The following CNDP1 variants were observed in gnomAD, a reference collection of about 807,000 sequenced individuals.
The protein encoded by CNDP1 is beta-Ala-His dipeptidase.
CNDP1 carries 44 observed loss-of-function variants against 58.1 expected under a neutral mutation model. The ratio of observed to expected loss-of-function variants is 0.76; its 90% CI spans 0.60 to 0.97. The LOEUF (loss-of-function observed/expected upper bound fraction) is 0.97. CNDP1 is among the 50% of genes least tolerant of loss of function. CNDP1 has a pLI of 0.00. For missense variants in CNDP1, 616 were observed against 655.1 expected (o/e 0.94, Z 0.65); for synonymous variants, 254 against 252.6 (o/e 1.01, Z -0.05).
chr18:74,571,939 C>T (rs1568298772), intron 7 of CNDP1, among the ~76,000 whole-genome samples: 1 of 152,068 alleles, frequency 6.6e-6, no homozygotes. Flanking sequence ...TGTAAAGGGG[C>T]ACAATCGTCT....
chr18:74,535,292 GACGCTTTTTATTTCCATTGCAAAC>G lies in CNDP1; in HGVS notation c.24+604_24+627del, dbSNP rs554703531. 1.4e-3 allele frequency among the ~76,000 whole-genome samples: 208 copies of G among 152,308 alleles called. 3 individuals are homozygous for G. The highest frequency in any genetic ancestry group is 0.012 in the South Asian group (57 of 4,828). On this transcript the variant is annotated intron_variant, in intron 1 of 11. Transcript: ENST00000358821. ...ACTACTTGGAAAGATAAAATTCATG[GACGCTTTTTATTTCCATTGCAAAC>G]ACACACATACACACACAGAAATTTT... is the stretch of plus-strand genomic sequence containing the variant.
At chr18:74,543,853 A>G (rs1980690729) in intron 1 of CNDP1, among the ~76,000 whole-genome samples, 3 of 152,068 alleles carry the variant, frequency 2.0e-5, no homozygotes, top group African/African-American at 4.8e-5. Context: ...GGGAGGCCAA[A>G]GAAAGAGGAT....
chr18:74,539,944 G>A lies in CNDP1; in HGVS notation c.24+5253G>A, dbSNP rs189216205. 1.6e-4 allele frequency among the ~76,000 whole-genome samples: 24 copies of A among 152,272 alleles called. No homozygotes were observed. In the East Asian group the frequency reaches 4.4e-3, roughly 28 times the overall value. ...CATTGCATTATTGCATCTGTAGGTT[G>A]TTCAGCACATATCTTGAAGGTGAGC... On this transcript the variant is annotated intron_variant, in intron 1 of 11. Coordinates refer to ENST00000358821, the MANE Select transcript of CNDP1 (RefSeq NM_032649.6).
At chr18:74,547,896 G>C (rs934359834) in intron 1 of CNDP1, among the ~76,000 whole-genome samples, 3 of 152,266 alleles carry the variant, frequency 2.0e-5, no homozygotes, top group African/African-American at 7.2e-5. Context: ...TGGAACTTTT[G>C]TTCCAAATCT....
intron 11 of CNDP1, chr18:74,584,250 A>T (rs1216357395): frequency 3.9e-6 from 2 of 506,770 alleles, no homozygotes; most frequent in African/African-American, 3.8e-5. Flanking sequence ...TATCAGTGAT[A>T]AGAAATCAAG....
rs1981649942 is a variant in CNDP1 at position 74,576,926 on chromosome 18, T to C, written c.899T>C (p.Val300Ala). 1.2e-6 allele frequency: 2 copies of C among 1,613,300 alleles called. No individual in the cohort carries two copies. The highest frequency in any genetic ancestry group is 2.7e-5 in the African/African-American group (2 of 74,904). ...ILVPGIYDEV[V>A]PLTEEEINTY... ...GTCCCTGGAATCTATGATGAAGTGGTTCCTCTTACAGAAGAGGAAATAAAT... is the reference window on the plus strand; with the variant it reads ...GTCCCTGGAATCTATGATGAAGTGGCTCCTCTTACAGAAGAGGAAATAAAT... Residue 300 changes from valine (V) to alanine (A), a missense_variant, in exon 8 of 12, where the codon GTT (valine) becomes GCT (alanine). Val to Ala is a moderately conservative substitution (Grantham distance 64). Transcript: ENST00000358821.
intron 1 of CNDP1, among the ~76,000 whole-genome samples, chr18:74,547,372 G>A (rs1217681637): frequency 6.6e-6 from 1 of 152,182 alleles, no homozygotes; most frequent in Non-Finnish European, 1.5e-5. Context: ...GCCATTGTAT[G>A]GACACCAAGG....
intron 7 of CNDP1, among the ~76,000 whole-genome samples, chr18:74,575,328 G>C (rs9946796): frequency 0.021 from 3,257 of 152,280 alleles, 38 homozygotes; most frequent in South Asian, 0.064. Flanking sequence ...TGCTTAGAAG[G>C]CACGCACTCT....
Position 74,583,547 on chromosome 18 carries a change from T to C in CNDP1, c.1310-14T>C, listed in dbSNP as rs1162733381. 7 of 1,613,308 alleles carry C rather than the reference T, an allele frequency of 4.3e-6. No homozygotes were observed. Among genetic ancestry groups the C allele is most frequent in the Non-Finnish European group, 5.9e-6 (7 of 1,179,274 alleles). ...GTCCTTACCCTATTCAAATGCCTTC[T>C]TTTCCTGTCTCAGTGTTTGGAACAG... is the stretch of plus-strand genomic sequence containing the variant. On this transcript the variant is annotated splice_polypyrimidine_tract_variant and intron_variant, in intron 10 of 11. Coordinates refer to ENST00000358821, the MANE Select transcript of CNDP1 (RefSeq NM_032649.6).
chr18:74,537,894 C>T lies in CNDP1; in HGVS notation c.24+3203C>T, dbSNP rs534560553. The stretch of plus-strand genomic sequence containing the variant: ...TAAAACCATAGAGTAGAACTTCTAG[C>T]TGCTGAAGACAAAAGACAAAGTACA... On this transcript the variant is annotated intron_variant, in intron 1 of 11. Coordinates refer to ENST00000358821, the MANE Select transcript of CNDP1 (RefSeq NM_032649.6). 8.5e-5 allele frequency among the ~76,000 whole-genome samples: 13 copies of T among 152,328 alleles called. No homozygotes were observed. The South Asian group carries it at 2.7e-3, about 32-fold the overall frequency.
intron 6 of CNDP1, 133 bp downstream of exon 6, chr18:74,567,566 C>T (rs1599097307): frequency 2.9e-5 from 22 of 769,310 alleles, no homozygotes; most frequent in Middle Eastern, 3.7e-4. Context: ...GACACACGGC[C>T]TCAGGGGAGG....
chr18:74,569,569 G>T (rs914088418), intron 6 of CNDP1, among the ~76,000 whole-genome samples: 1 of 152,172 alleles, frequency 6.6e-6, no homozygotes, highest in African/African-American at 2.4e-5. Flanking sequence ...GGGCATGGTT[G>T]TATTAATAGC....
Position 74,567,384 on chromosome 18 carries a change from A to G in CNDP1, c.707A>G (p.Lys236Arg), listed in dbSNP as rs773271265. The change falls in exon 6 of 12, where the codon AAG becomes AGG. Residue 236 changes from lysine to arginine, a missense_variant. Coordinates refer to ENST00000358821, the MANE Select transcript of CNDP1 (RefSeq NM_032649.6). ...GATAACCTGTGGATCAGCCAAAGGA[A>G]GCCAGCAATCACTTACGGAACCCGG... is the stretch of plus-strand genomic sequence containing the variant. ...ISDNLWISQR[K>R]PAITYGTRGN... 6.2e-7 allele frequency: 1 copy of G among 1,614,150 alleles called. No homozygotes were observed. Among genetic ancestry groups the G allele is most frequent in the Non-Finnish European group, 8.5e-7 (1 of 1,179,996 alleles).
At chr18:74,576,554 T>C in intron 7 of CNDP1, 1 of 279,466 alleles carries the variant, frequency 3.6e-6, no homozygotes, top group African/African-American at 2.2e-5. Flanking sequence ...ATAAAAGGCA[T>C]AGCTGAGAAC....
intron 1 of CNDP1, among the ~76,000 whole-genome samples, chr18:74,552,973 T>C (rs527658030): frequency 7.2e-5 from 11 of 152,348 alleles, no homozygotes; most frequent in African/African-American, 2.4e-4. Flanking sequence ...ATTCTAGCCA[T>C]CATAGAGGGT....
intron 2 of CNDP1, among the ~76,000 whole-genome samples, chr18:74,558,935 G>T (rs1981113993): frequency 6.6e-6 from 1 of 152,096 alleles, no homozygotes; most frequent in South Asian, 2.1e-4. Context: ...CCAGGACCAG[G>T]TGTGGGAAGC....
Position 74,584,765 on chromosome 18 carries a change from C to A in CNDP1, c.*203C>A. The A allele has an allele frequency of 1.9e-6, 1 of 537,110 alleles. No homozygotes were observed. The highest frequency in any genetic ancestry group is 3.3e-6 in the Non-Finnish European group (1 of 300,228). 33.3% of individuals were successfully genotyped at this position (537,110 alleles called of 1,614,324 possible). ...GTTGGAAATGGTTTAAGGTCCCCCACTGCACACCTTCCTCAAGTCATAGCT... is the reference window on the plus strand; with the variant it reads ...GTTGGAAATGGTTTAAGGTCCCCCAATGCACACCTTCCTCAAGTCATAGCT... On this transcript the variant is annotated 3_prime_UTR_variant, in exon 12 of 12. Coordinates refer to ENST00000358821, the MANE Select transcript of CNDP1 (RefSeq NM_032649.6).
intron 9 of CNDP1, among the ~76,000 whole-genome samples, 182 bp from the exon 10 acceptor site, chr18:74,579,948 C>T (rs1599103464): frequency 6.6e-6 from 1 of 152,208 alleles, no homozygotes; most frequent in African/African-American, 2.4e-5. Context: ...GGATCTCACT[C>T]TCGCCCTCTG....
intron 7 of CNDP1, among the ~76,000 whole-genome samples, chr18:74,572,394 T>A (rs1981501240): frequency 6.6e-6 from 1 of 152,152 alleles, no homozygotes; most frequent in Non-Finnish European, 1.5e-5. Context: ...ATATTCATAA[T>A]TTGGTGTTCT....
Sources: gnomAD v4.1 joint callset for allele counts (sites outside exome capture counted in the v4.1 genomes callset) on GRCh38, gnomAD v4.1.1 for gene constraint, MANE v1.5 for transcripts, NCBI Gene and HGNC (gene_info 2026-07-23, HGNC 2026-07-21) for gene names.